Variants in GOT2 observed in about 807,000 individuals in gnomAD.
The protein encoded by GOT2 is aspartate aminotransferase, mitochondrial.
A neutral mutation model predicts 50.0 loss-of-function variants in GOT2; 17 were observed. That is an observed-to-expected ratio of 0.34 (90% CI 0.23 to 0.51). GOT2 has a LOEUF of 0.51. GOT2 is among the 20% of genes least tolerant of loss of function. The pLI, the probability that GOT2 is intolerant of heterozygous loss-of-function variation, is 0.97. For missense variants in GOT2, 430 were observed against 559.6 expected (o/e 0.77, Z 2.34); for synonymous variants, 172 against 204.9 (o/e 0.84, Z 1.37).
At position 58,731,908 on chromosome 16, in the gene GOT2, G is replaced by A. The variant is rs1432582259; in HGVS notation, c.89+2232C>T. ...AAAGATCACTTCCACAGTGTAAGGA[G>A]GGAAGTCTGATCTTGCCTGAAGAGT... On this transcript the variant is annotated intron_variant, in intron 1 of 9. Coordinates refer to ENST00000245206, the MANE Select transcript of GOT2 (RefSeq NM_002080.4). Among the ~76,000 whole-genome samples the A allele has an allele frequency of 6.6e-5, 10 of 152,328 alleles. No homozygotes were observed. The East Asian group carries it at 1.9e-3, about 29-fold the overall frequency.
intron 8 of GOT2, among the ~76,000 whole-genome samples, chr16:58,710,069 T>C (rs2044633888): frequency 6.6e-6 from 1 of 152,238 alleles, no homozygotes; most frequent in African/African-American, 2.4e-5. Context: ...TAAATGAATT[T>C]TCTTTTAATG....
At chr16:58,724,442 G>A (rs183757) in intron 1 of GOT2, among the ~76,000 whole-genome samples, 90,540 of 151,862 alleles carry the variant, frequency 0.6, 27,701 homozygotes, top group Middle Eastern at 0.85. Context: ...AAATTGAGCA[G>A]ATAGTACAGT....
At chr16:58,714,100 C>T (rs2044670858) in intron 8 of GOT2, among the ~76,000 whole-genome samples, 1 of 151,940 alleles carries the variant, frequency 6.6e-6, no homozygotes. Context: ...GAGACACAGT[C>T]TTGCTATGTT....
chr16:58,728,279 G>A (rs767807488), intron 1 of GOT2, among the ~76,000 whole-genome samples: 3 of 152,100 alleles, frequency 2.0e-5, no homozygotes, highest in Non-Finnish European at 4.4e-5. Flanking sequence ...TAATAGCTCA[G>A]CCACCTGCCA....
intron 8 of GOT2, among the ~76,000 whole-genome samples, chr16:58,710,572 C>T (rs369765204): frequency 7.6e-4 from 116 of 152,104 alleles, no homozygotes; most frequent in African/African-American, 2.6e-3. Flanking sequence ...GTAACCCCAT[C>T]ATAATTGCAT....
chr16:58,723,902 G>C lies in GOT2; in HGVS notation c.90C>G (p.Ser30Arg). ...CCATTTCCACATGGGTCCACCAGGA[G>C]CTGAAATGAGAAACACATTAGCTCA... ...GLAAAASARA[S>R]SWWTHVEMGP... The change falls in exon 2 of 10, where the codon AGC (serine) becomes AGG (arginine). Residue 30 changes from serine (S) to arginine (R), a missense_variant and splice_region_variant. Coordinates refer to ENST00000245206, the MANE Select transcript of GOT2 (RefSeq NM_002080.4). The C allele has an allele frequency of 6.2e-7, 1 of 1,612,498 alleles. No individual in the cohort carries two copies. Among genetic ancestry groups the C allele is most frequent in the Non-Finnish European group, 8.5e-7 (1 of 1,179,036 alleles).
rs781615099 is a variant in GOT2 at position 58,734,245 on chromosome 16, G to A, written c.-17C>T. The A allele has an allele frequency of 1.6e-6, 2 of 1,281,186 alleles. No individual in the cohort carries two copies. Among genetic ancestry groups the A allele is most frequent in the Non-Finnish European group, 2.0e-6 (2 of 997,620 alleles). The allele number at this position is 1,281,186 out of a possible 1,614,324, so 79.4% of individuals were successfully genotyped here. On this transcript the variant is annotated 5_prime_UTR_variant, in exon 1 of 10. Transcript: ENST00000245206. ...CAGGGCCATGGTGGACCGTAGGAGG[G>A]CAGTGGGCAGCCGCAGGACGGAGCA...
chr16:58,709,363 G>C (rs549373311), intron 9 of GOT2, 54 bp downstream of exon 9: 54 of 1,341,224 alleles, frequency 4.0e-5, no homozygotes, highest in Admixed American at 6.8e-5. Flanking sequence ...GTAATCCTTC[G>C]GGTTTGCAAA....
intron 8 of GOT2, 144 bp downstream of exon 8, chr16:58,715,870 A>T (rs1246516911): frequency 4.8e-6 from 3 of 631,396 alleles, no homozygotes; most frequent in Non-Finnish European, 7.9e-6. Flanking sequence ...TTAAAAAAGG[A>T]ATGCACATTT....
chr16:58,727,465 TA>T (rs958723177), intron 1 of GOT2, among the ~76,000 whole-genome samples: 2 of 152,248 alleles, frequency 1.3e-5, no homozygotes, highest in African/African-American at 2.4e-5. Context: ...TATGATCTTC[TA>T]AAGCAATCAT....
chr16:58,710,173 C>T (rs370951978), intron 8 of GOT2, among the ~76,000 whole-genome samples: 3 of 152,098 alleles, frequency 2.0e-5, no homozygotes, highest in East Asian at 3.9e-4. Context: ...GCCGGGATTA[C>T]AGGTGTGAGC....
At chr16:58,731,130 A>G in intron 1 of GOT2, among the ~76,000 whole-genome samples, 1 of 152,034 alleles carries the variant, frequency 6.6e-6, no homozygotes, top group Admixed American at 6.6e-5. Context: ...AGACAATAGC[A>G]CAGCTGTGAT....
At chr16:58,731,562 C>G (rs2044835232) in intron 1 of GOT2, among the ~76,000 whole-genome samples, 1 of 152,174 alleles carries the variant, frequency 6.6e-6, no homozygotes, top group Non-Finnish European at 1.5e-5. Flanking sequence ...TAATTAAAAG[C>G]AAATCATTAT....
At chr16:58,720,988 A>G (rs1464811639) in intron 3 of GOT2, among the ~76,000 whole-genome samples, 1 of 152,186 alleles carries the variant, frequency 6.6e-6, no homozygotes, top group African/African-American at 2.4e-5. Context: ...GCAAAAGAGC[A>G]CATGAATTAA....
intron 9 of GOT2, 176 bp downstream of exon 9, chr16:58,709,241 T>G: frequency 5.2e-6 from 3 of 575,562 alleles, no homozygotes; most frequent in Non-Finnish European, 8.8e-6. Flanking sequence ...CCAGCCTGGG[T>G]TTCAGAGCGA....
intron 8 of GOT2, among the ~76,000 whole-genome samples, chr16:58,713,755 A>G (rs4784975): frequency 0.034 from 5,187 of 152,298 alleles, 337 homozygotes; most frequent in East Asian, 0.29. Flanking sequence ...CACAGGCATC[A>G]TGGTTTTATG....
chr16:58,709,330 T>TAAAAAAG, intron 9 of GOT2, 87 bp downstream of exon 9: 2 of 1,144,712 alleles, frequency 1.7e-6, no homozygotes, highest in Non-Finnish European at 2.5e-6. Flanking sequence ...AAACATTAAA[T>TAAAAAAG]AAAAAAGAAA....
intron 1 of GOT2, among the ~76,000 whole-genome samples, chr16:58,728,873 G>C (rs1597706334): frequency 1.3e-5 from 2 of 152,178 alleles, no homozygotes; most frequent in African/African-American, 4.8e-5. Context: ...TTTTAGTAGA[G>C]ATGGGGTTTT....
intron 8 of GOT2, among the ~76,000 whole-genome samples, chr16:58,711,004 C>G (rs967780478): frequency 6.9e-6 from 1 of 144,648 alleles, no homozygotes; most frequent in African/African-American, 2.6e-5. Context: ...GTGAATGAAT[C>G]ACTCTAAAAC....
Sources: allele counts gnomAD v4.1 joint callset (sites outside exome capture counted in the v4.1 genomes callset), GRCh38; gene constraint gnomAD v4.1.1; transcripts MANE v1.5; gene names NCBI Gene and HGNC (gene_info 2026-07-23, HGNC 2026-07-21).